The following LINGO2 variants were observed in gnomAD, a reference collection of about 807,000 sequenced individuals.
LINGO2 encodes the protein leucine rich repeat and Ig domain containing 2, also known as leucine-rich repeat and immunoglobulin-like domain-containing nogo receptor-interacting protein 2.
A neutral mutation model predicts 30.6 loss-of-function variants in LINGO2; 14 were observed. The ratio of observed to expected loss-of-function variants is 0.46; its 90% CI spans 0.30 to 0.72. LINGO2 has a LOEUF of 0.72. Ranked by LOEUF, LINGO2 falls within the 30% of genes least tolerant of loss-of-function variation. The pLI, the probability that LINGO2 is intolerant of heterozygous loss-of-function variation, is 0.07. For synonymous variants in LINGO2, 317 were observed against 288.5 expected (o/e 1.10, Z -1.00); for missense variants, 729 against 751.7 (o/e 0.97, Z 0.35).
the LINGO2 span, among the ~76,000 whole-genome samples, chr9:29,134,261 A>G: frequency 6.6e-6 from 1 of 152,166 alleles, no homozygotes; most frequent in Non-Finnish European, 1.5e-5. Flanking sequence ...GTATATTCAC[A>G]GGAGACAGTC....
chr9:28,852,518 A>G, the LINGO2 span, among the ~76,000 whole-genome samples: 123 of 152,178 alleles, frequency 8.1e-4, no homozygotes, highest in Admixed American at 6.1e-3. Flanking sequence ...CTATGCATAC[A>G]GAGCTACTGC....
At chr9:28,961,473 T>C in the LINGO2 span, among the ~76,000 whole-genome samples, 4 of 152,182 alleles carry the variant, frequency 2.6e-5, no homozygotes, top group African/African-American at 9.6e-5. Context: ...GTAGGACTCA[T>C]CCATATCCTT....
chr9:28,852,254 T>A, the LINGO2 span, among the ~76,000 whole-genome samples: 1 of 152,054 alleles, frequency 6.6e-6, no homozygotes, highest in Non-Finnish European at 1.5e-5. Flanking sequence ...ATGGTATAGA[T>A]CTAGATATTA....
At chr9:28,267,521 C>T (rs2134073067) in intron 4 of LINGO2, among the ~76,000 whole-genome samples, 1 of 151,948 alleles carries the variant, frequency 6.6e-6, no homozygotes, top group South Asian at 2.1e-4. Context: ...ATTCACTTTC[C>T]ACCTCGTTCC....
At chr9:28,754,349 G>A in the LINGO2 span, among the ~76,000 whole-genome samples, 2 of 152,038 alleles carry the variant, frequency 1.3e-5, 1 homozygote, top group African/African-American at 4.8e-5. Context: ...TGTGTCTGAT[G>A]CTAAAATTCT....
the LINGO2 span, among the ~76,000 whole-genome samples, chr9:29,127,284 TC>T: frequency 1.3e-5 from 2 of 152,136 alleles, no homozygotes; most frequent in Non-Finnish European, 2.9e-5. Flanking sequence ...TTTTTCCAAT[TC>T]TTTGTTCAAA....
the LINGO2 span, among the ~76,000 whole-genome samples, chr9:29,131,218 A>G: frequency 1.8e-4 from 28 of 152,160 alleles, no homozygotes; most frequent in African/African-American, 6.8e-4. Context: ...TTTCCATTCT[A>G]TGGAACAAAA....
chr9:28,627,586 A>G (rs920523648), intron 1 of LINGO2, among the ~76,000 whole-genome samples: 1 of 151,936 alleles, frequency 6.6e-6, no homozygotes, highest in Non-Finnish European at 1.5e-5. Flanking sequence ...CTTCTAAATC[A>G]CCATCTTGTG....
At chr9:28,485,946 C>A (rs2135243987) in intron 1 of LINGO2, among the ~76,000 whole-genome samples, 1 of 152,118 alleles carries the variant, frequency 6.6e-6, no homozygotes, top group South Asian at 2.1e-4. Flanking sequence ...CCTGCAACTG[C>A]CAAATCACTA....
chr9:29,206,790 T>C, the LINGO2 span, among the ~76,000 whole-genome samples: 3 of 152,184 alleles, frequency 2.0e-5, no homozygotes, highest in African/African-American at 7.2e-5. Context: ...CAAATTCTCA[T>C]GTACCATGAT....
the LINGO2 span, among the ~76,000 whole-genome samples, chr9:28,871,686 TAGA>T: frequency 4.6e-5 from 7 of 151,918 alleles, no homozygotes; most frequent in Non-Finnish European, 7.4e-5. Flanking sequence ...AGATGACAAG[TAGA>T]AGGAGCAATC....
exon 6 of LINGO2, chr9:27,948,819 G>C (rs1306704716): frequency 1.9e-6 from 3 of 1,574,002 alleles, no homozygotes; most frequent in African/African-American, 1.4e-5. Context: ...TACCCACATT[G>C]ACAAAGAGAC....
At chr9:28,944,985 T>G in the LINGO2 span, among the ~76,000 whole-genome samples, 1 of 152,278 alleles carries the variant, frequency 6.6e-6, no homozygotes, top group East Asian at 1.9e-4. Context: ...GTGAATTAAG[T>G]GTTCAGCAGC....
intron 4 of LINGO2, among the ~76,000 whole-genome samples, chr9:28,249,247 T>A (rs990829730): frequency 2.6e-5 from 4 of 152,156 alleles, no homozygotes; most frequent in African/African-American, 4.8e-5. Context: ...AAGTTTTACC[T>A]AAAACTCTCT....
At chr9:28,140,364 T>A (rs1827638306) in intron 4 of LINGO2, among the ~76,000 whole-genome samples, 2 of 152,184 alleles carry the variant, frequency 1.3e-5, no homozygotes, top group South Asian at 4.1e-4. Context: ...TGATTGACAT[T>A]CACGAACTAA....
At chr9:29,142,078 T>C in the LINGO2 span, among the ~76,000 whole-genome samples, 3 of 151,822 alleles carry the variant, frequency 2.0e-5, no homozygotes. Context: ...ATACAGAATA[T>C]TCCACCCAAT....
chr9:28,337,988 A>G (rs1825644605), intron 3 of LINGO2, among the ~76,000 whole-genome samples: 1 of 152,094 alleles, frequency 6.6e-6, no homozygotes. Flanking sequence ...GACAGCCACT[A>G]TCGTCCAGAC....
the LINGO2 span, among the ~76,000 whole-genome samples, chr9:28,724,585 C>G: frequency 6.6e-6 from 1 of 152,054 alleles, no homozygotes; most frequent in African/African-American, 2.4e-5. Flanking sequence ...GGATGATAAC[C>G]TACCTAAATA....
the LINGO2 span, among the ~76,000 whole-genome samples, chr9:28,939,976 T>TA: frequency 1.3e-5 from 2 of 152,196 alleles, no homozygotes; most frequent in Non-Finnish European, 2.9e-5. Context: ...TGTCAATACT[T>TA]ACGAAACTAA....
Sources: gnomAD v4.1 joint callset for allele counts (sites outside exome capture counted in the v4.1 genomes callset) on GRCh38, gnomAD v4.1.1 for gene constraint, MANE v1.5 for transcripts, NCBI Gene and HGNC (gene_info 2026-07-23, HGNC 2026-07-21) for gene names.